SPIDR: variants seen among roughly 807,000 people sequenced by gnomAD.
SPIDR encodes DNA repair-scaffolding protein.
A neutral mutation model predicts 104.6 loss-of-function variants in SPIDR; 93 were observed. The observed-to-expected ratio is 0.89, with a 90% confidence interval of 0.75 to 1.06. The LOEUF (loss-of-function observed/expected upper bound fraction) is 1.06. SPIDR is among the 50% of genes least tolerant of loss of function. The pLI is 0.00. For synonymous variants in SPIDR, 431 were observed against 416.9 expected, an observed-to-expected ratio of 1.03 and a Z score of -0.41; for missense variants, 1,154 against 1,111.2, an observed-to-expected ratio of 1.04 and a Z score of -0.55.
chr8:47,700,593 C>G, intron 12 of SPIDR, 103 bp downstream of exon 12: 1 of 1,138,944 alleles, frequency 8.8e-7, no homozygotes, highest in Non-Finnish European at 1.3e-6. Context: ...GTCCCCTGCT[C>G]CAGTGGCAAC....
At chr8:47,550,306 G>A (rs1444683712) in intron 8 of SPIDR, among the ~76,000 whole-genome samples, 2 of 152,204 alleles carry the variant, frequency 1.3e-5, no homozygotes, top group African/African-American at 4.8e-5. Flanking sequence ...TGTGAAGAAA[G>A]TCATTGGTAG....
At chr8:47,403,978 G>T (rs930928276) in intron 6 of SPIDR, among the ~76,000 whole-genome samples, 11 of 152,164 alleles carry the variant, frequency 7.2e-5, no homozygotes, top group Non-Finnish European at 1.5e-4. Flanking sequence ...AAGCAAAGCA[G>T]CATGGTACTG....
chr8:47,592,113 G>A, intron 8 of SPIDR: 1 of 1,362,280 alleles, frequency 7.3e-7, no homozygotes. Context: ...CAGAACAGGA[G>A]AAGTGATGCA....
At chr8:47,320,064 A>G (rs1407220122) in intron 5 of SPIDR, among the ~76,000 whole-genome samples, 1 of 152,152 alleles carries the variant, frequency 6.6e-6, no homozygotes, top group Non-Finnish European at 1.5e-5. Flanking sequence ...AAACACATTC[A>G]AAAGCTAGCA....
intron 7 of SPIDR, among the ~76,000 whole-genome samples, chr8:47,416,247 AATAAAATAAGTT>A (rs1289551702): frequency 2.0e-5 from 3 of 152,234 alleles, no homozygotes; most frequent in Admixed American, 6.5e-5. Context: ...TGTTTCAAAA[AATAAAATAAGTT>A]ATAGAAATGG....
chr8:47,411,561 G>C (rs1287275455), intron 7 of SPIDR, among the ~76,000 whole-genome samples: 1 of 152,070 alleles, frequency 6.6e-6, no homozygotes, highest in African/African-American at 2.4e-5. Context: ...TATTAGCTTT[G>C]TCAGATGAGT....
intron 8 of SPIDR, among the ~76,000 whole-genome samples, chr8:47,516,980 G>A (rs1275034392): frequency 6.6e-6 from 1 of 152,090 alleles, no homozygotes; most frequent in Admixed American, 6.5e-5. Context: ...GTGTGAAGTG[G>A]TATTTAATTG....
At chr8:47,596,391 T>C (rs1326283732) in intron 9 of SPIDR, among the ~76,000 whole-genome samples, 1 of 152,204 alleles carries the variant, frequency 6.6e-6, no homozygotes, top group Non-Finnish European at 1.5e-5. Flanking sequence ...CTAGGCTATA[T>C]GGTATGGCTG....
chr8:47,655,703 T>G (rs912264782), intron 10 of SPIDR, among the ~76,000 whole-genome samples: 1 of 152,226 alleles, frequency 6.6e-6, no homozygotes, highest in Non-Finnish European at 1.5e-5. Flanking sequence ...GTAGTTTCTT[T>G]TGCTGTGCAG....
intron 5 of SPIDR, among the ~76,000 whole-genome samples, chr8:47,295,807 A>G (rs1290747133): frequency 6.6e-6 from 1 of 152,152 alleles, no homozygotes; most frequent in Non-Finnish European, 1.5e-5. Context: ...TTTGGCCCAG[A>G]AGTGGGATTA....
intron 8 of SPIDR, among the ~76,000 whole-genome samples, chr8:47,489,015 G>A (rs1178934574): frequency 2.6e-5 from 4 of 152,140 alleles, no homozygotes; most frequent in African/African-American, 7.2e-5. Flanking sequence ...AGTCAGGCAG[G>A]AGAAAGAAAT....
chr8:47,391,182 A>G (rs1326669246), intron 5 of SPIDR, among the ~76,000 whole-genome samples: 1 of 152,164 alleles, frequency 6.6e-6, no homozygotes, highest in Non-Finnish European at 1.5e-5. Flanking sequence ...ACCATATGCT[A>G]AAATGATGGC....
chr8:47,673,676 T>C, intron 10 of SPIDR, 125 bp from the exon 11 acceptor site: 1 of 1,323,340 alleles, frequency 7.6e-7, no homozygotes, highest in Non-Finnish European at 1.1e-6. Flanking sequence ...TTCTTTACTT[T>C]CTTTAAATTA....
At chr8:47,299,223 A>G (rs1458239144) in intron 5 of SPIDR, among the ~76,000 whole-genome samples, 16 of 152,154 alleles carry the variant, frequency 1.1e-4, no homozygotes, top group African/African-American at 3.9e-4. Flanking sequence ...GCAATTGTGA[A>G]TGGGAGTTCA....
chr8:47,704,049 A>G (rs555999983), intron 14 of SPIDR, among the ~76,000 whole-genome samples: 1 of 152,180 alleles, frequency 6.6e-6, no homozygotes, highest in Admixed American at 6.5e-5. Flanking sequence ...AGATGTAAGG[A>G]GTGTGCTTTA....
intron 5 of SPIDR, chr8:47,360,969 T>C: frequency 1.0e-6 from 1 of 985,076 alleles, no homozygotes; most frequent in Non-Finnish European, 1.2e-6. Context: ...CACATATTAT[T>C]TCACACTTTT....
intron 19 of SPIDR, among the ~76,000 whole-genome samples, chr8:47,733,730 A>G (rs951498079): frequency 7.2e-5 from 11 of 152,058 alleles, no homozygotes; most frequent in Admixed American, 5.2e-4. Flanking sequence ...ACATGGGATC[A>G]TAATAAACCC....
At chr8:47,467,111 T>C (rs1586200498) in intron 8 of SPIDR, among the ~76,000 whole-genome samples, 2 of 151,922 alleles carry the variant, frequency 1.3e-5, no homozygotes, top group East Asian at 3.9e-4. Flanking sequence ...CTAGAAAATG[T>C]AGAGGGAATG....
At chr8:47,598,778 A>G (rs1487876742) in intron 9 of SPIDR, among the ~76,000 whole-genome samples, 168 bp from the exon 10 acceptor site, 1 of 152,192 alleles carries the variant, frequency 6.6e-6, no homozygotes, top group Non-Finnish European at 1.5e-5. Flanking sequence ...CCAGAGCCCC[A>G]TGCCACAAGT....
Sources: allele counts gnomAD v4.1 joint callset (sites outside exome capture counted in the v4.1 genomes callset), GRCh38; gene constraint gnomAD v4.1.1; transcripts MANE v1.5; gene names NCBI Gene and HGNC (gene_info 2026-07-23, HGNC 2026-07-21).